ASB3: variants seen among roughly 807,000 people sequenced by gnomAD.
The protein encoded by ASB3 is ankyrin repeat and SOCS box protein 3.
A neutral mutation model predicts 54.5 loss-of-function variants in ASB3; 41 were observed. The ratio of observed to expected loss-of-function variants is 0.75; its 90% CI spans 0.59 to 0.98. ASB3 has a LOEUF of 0.98. ASB3 is among the 50% of genes least tolerant of loss of function. The pLI, the probability that ASB3 is intolerant of heterozygous loss-of-function variation, is 0.00. For missense variants in ASB3, 733 were observed against 620.0 expected, an observed-to-expected ratio of 1.18 and a Z score of -1.94; for synonymous variants, 266 against 221.2, an observed-to-expected ratio of 1.20 and a Z score of -1.80.
chr2:53,765,535 G>T lies in ASB3; in HGVS notation c.38C>A (p.Thr13Lys). ...GCCTTCCCTGGCAGCAAGTCCAACTGTAGAGCACGTGTCCGCGTAAGCCTC... is the reference window on the plus strand; with the variant it reads ...GCCTTCCCTGGCAGCAAGTCCAACTTTAGAGCACGTGTCCGCGTAAGCCTC... ...FTEAYADTCS[T>K]VGLAAREGNV... Residue 13 changes from threonine (T) to lysine (K), a missense_variant, in exon 2 of 10, where the codon ACA (threonine) becomes AAA (lysine). Coordinates refer to ENST00000263634, the MANE Select transcript of ASB3 (RefSeq NM_016115.5). The T allele has an allele frequency of 1.2e-6, 2 of 1,614,208 alleles. No homozygotes were observed. The highest frequency in any genetic ancestry group is 1.7e-6 in the Non-Finnish European group (2 of 1,180,036).
intron 1 of ASB3, chr2:53,774,236 C>A: frequency 6.2e-7 from 1 of 1,614,090 alleles, no homozygotes; most frequent in Non-Finnish European, 8.5e-7. Context: ...GGCTACAGAA[C>A]CACAACAGTC....
intron 7 of ASB3, among the ~76,000 whole-genome samples, chr2:53,713,721 T>C (rs936610415): frequency 2.0e-5 from 3 of 152,110 alleles, no homozygotes; most frequent in Non-Finnish European, 4.4e-5. Flanking sequence ...AAGACCAGCC[T>C]GGGCAACATG....
At chr2:53,727,836 A>T (rs557483850) in intron 5 of ASB3, among the ~76,000 whole-genome samples, 2 of 151,812 alleles carry the variant, frequency 1.3e-5, no homozygotes, top group African/African-American at 4.8e-5. Flanking sequence ...AGCAATTCTC[A>T]TGTCTCAGCT....
rs908530844 is a variant in ASB3, at chr2:53,782,586, A to G, written c.-14+4235T>C. ...TTTGTTTCTGGCTAAAACCACATCT[A>G]TTTTGTTGTTATTGCTCTTTTTAAT... On this transcript the variant is annotated intron_variant, in intron 1 of 9. Coordinates refer to ENST00000263634, the MANE Select transcript of ASB3 (RefSeq NM_016115.5). Among the ~76,000 whole-genome samples, 9 of 152,216 alleles carry G rather than the reference A, an allele frequency of 5.9e-5. 1 individual carries two copies. The highest frequency in any genetic ancestry group is 5.2e-4 in the Admixed American group (8 of 15,288).
intron 3 of ASB3, among the ~76,000 whole-genome samples, chr2:53,738,630 T>C (rs1040544016): frequency 6.6e-6 from 1 of 152,126 alleles, no homozygotes; most frequent in Admixed American, 6.5e-5. Context: ...CCTAGAATAC[T>C]AGGTATACCT....
At chr2:53,693,325 T>G (rs552499907) in intron 9 of ASB3, among the ~76,000 whole-genome samples, 1 of 152,146 alleles carries the variant, frequency 6.6e-6, no homozygotes, top group African/African-American at 2.4e-5. Context: ...TTAAGTGAGG[T>G]AAGTTGAAAT....
At chr2:53,781,178 G>A (rs934209479) in intron 1 of ASB3, among the ~76,000 whole-genome samples, 7 of 151,982 alleles carry the variant, frequency 4.6e-5, no homozygotes, top group African/African-American at 1.7e-4. Context: ...GAGGCTTGAG[G>A]GGGCAAATCA....
At chr2:53,761,056 C>T (rs1350174378) in intron 2 of ASB3, among the ~76,000 whole-genome samples, 1 of 152,130 alleles carries the variant, frequency 6.6e-6, no homozygotes, top group Non-Finnish European at 1.5e-5. Context: ...AGTCGTCGGC[C>T]AACCTCCCCA....
intron 3 of ASB3, among the ~76,000 whole-genome samples, chr2:53,750,582 G>T (rs1672460359): frequency 6.6e-6 from 1 of 152,036 alleles, no homozygotes; most frequent in Non-Finnish European, 1.5e-5. Flanking sequence ...CAAAGTCCCA[G>T]AAGCTACCAC....
At chr2:53,779,954 T>C (rs1467144230) in intron 1 of ASB3, among the ~76,000 whole-genome samples, 2 of 152,218 alleles carry the variant, frequency 1.3e-5, no homozygotes, top group Admixed American at 1.3e-4. Context: ...CTGAAGGCTT[T>C]TTGTGATAAG....
Position 53,713,651 on chromosome 2 carries a change from G to A in ASB3, c.980+733C>T, listed in dbSNP as rs116432180. Among the ~76,000 whole-genome samples, 661 of 152,294 alleles carry A rather than the reference G, an allele frequency of 4.3e-3. 6 individuals carry two copies. The highest frequency in any genetic ancestry group is 0.015 in the African/African-American group (611 of 41,558). ...TATAAAGCCAGGCATCGTGGCTCAT[G>A]CCTGACATCCCAGCATTTTGGGAGG... is the stretch of plus-strand genomic sequence containing the variant. On this transcript the variant is annotated intron_variant, in intron 7 of 9. Transcript: ENST00000263634.
At chr2:53,693,790 C>T in intron 9 of ASB3, 94 bp downstream of exon 9, 1 of 1,486,626 alleles carries the variant, frequency 6.7e-7, no homozygotes, top group Non-Finnish European at 9.0e-7. Context: ...AATTTGTGTT[C>T]ACCGATGAAT....
chr2:53,679,971 C>A (rs1572830129), intron 9 of ASB3, among the ~76,000 whole-genome samples: 1 of 152,108 alleles, frequency 6.6e-6, no homozygotes, highest in Non-Finnish European at 1.5e-5. Flanking sequence ...TTTGCTCCCA[C>A]TTATAAGTGG....
intron 1 of ASB3, among the ~76,000 whole-genome samples, chr2:53,771,437 C>T (rs1304125860): frequency 6.6e-6 from 1 of 151,982 alleles, no homozygotes; most frequent in Non-Finnish European, 1.5e-5. Context: ...TGCTTGAGCC[C>T]GAGAGTTGGA....
intron 5 of ASB3, among the ~76,000 whole-genome samples, chr2:53,718,991 G>A (rs185480781): frequency 1.3e-5 from 2 of 152,116 alleles, no homozygotes; most frequent in African/African-American, 2.4e-5. Context: ...TGCGATCTCG[G>A]CTTACTGCAA....
rs114626133 is a variant in ASB3 at position 53,696,340 on chromosome 2, C to T, written c.1239-2326G>A. On this transcript the variant is annotated intron_variant, in intron 8 of 9. Coordinates refer to ENST00000263634, the MANE Select transcript of ASB3 (RefSeq NM_016115.5). ...CATATCCGATAAATACAGCACACAC[C>T]CAATGGCTTATTGCGACAAAAATTC... Among the ~76,000 whole-genome samples the T allele has an allele frequency of 1.4e-3, 219 of 152,122 alleles. 3 individuals are homozygous for T. Among genetic ancestry groups the T allele is most frequent in the African/African-American group, 5.0e-3 (206 of 41,470 alleles).
At chr2:53,768,153 A>C in intron 1 of ASB3, 1 of 1,032,894 alleles carries the variant, frequency 9.7e-7, no homozygotes, top group South Asian at 1.9e-5. Context: ...TTGGGGTAAC[A>C]TTTCTGTAGA....
At chr2:53,785,515 C>A (rs1362669047) in intron 1 of ASB3, among the ~76,000 whole-genome samples, 1 of 152,092 alleles carries the variant, frequency 6.6e-6, no homozygotes, top group Non-Finnish European at 1.5e-5. Context: ...GACTGTGTGA[C>A]CAAAGACAGA....
intron 9 of ASB3, among the ~76,000 whole-genome samples, chr2:53,687,769 T>G (rs2103699458): frequency 6.6e-6 from 1 of 152,328 alleles, no homozygotes; most frequent in East Asian, 1.9e-4. Flanking sequence ...CATAGATCAC[T>G]CATATAAATA....
Sources: allele counts gnomAD v4.1 joint callset (sites outside exome capture counted in the v4.1 genomes callset), GRCh38; gene constraint gnomAD v4.1.1; transcripts MANE v1.5; gene names NCBI Gene and HGNC (gene_info 2026-07-23, HGNC 2026-07-21).